The following PLEKHM1 variants were observed in gnomAD, a reference collection of about 807,000 sequenced individuals.
PLEKHM1 encodes the protein pleckstrin homology and RUN domain containing M1, also known as pleckstrin homology domain-containing family M member 1.
Under a neutral mutation model 94.3 loss-of-function variants are expected in PLEKHM1, and 28 were observed. The observed-to-expected ratio is 0.30, with a 90% CI of 0.22 to 0.41. The LOEUF (loss-of-function observed/expected upper bound fraction) is 0.41, where lower values mean the gene tolerates loss of function less well. Among genes scored for constraint, PLEKHM1 ranks in the 10% least tolerant of loss-of-function variants. The pLI, the probability that PLEKHM1 is intolerant of heterozygous loss-of-function variation, is 1.00. For missense variants in PLEKHM1, 907 were observed against 1,358.6 expected (o/e 0.67, Z 5.22); for synonymous variants, 424 against 581.2 (o/e 0.73, Z 3.89).
chr17:45,439,988 C>T (rs1483814917), intron 10 of PLEKHM1, 175 bp downstream of exon 10: 19 of 675,036 alleles, frequency 2.8e-5, no homozygotes, highest in South Asian at 5.1e-5. Flanking sequence ...TGGGGGTATC[C>T]GTCCCTGCCC....
At position 45,444,603 on chromosome 17, in the gene PLEKHM1, C is replaced by T. The variant is rs947269090; in HGVS notation, c.2837+867G>A. On this transcript the variant is annotated intron_variant, in intron 9 of 11. Coordinates refer to ENST00000430334, the MANE Select transcript of PLEKHM1 (RefSeq NM_014798.3). The surrounding 1 kb of genome is among the most constrained non-coding windows in gnomAD (Gnocchi z 5.0). ...GAACATCTGGCCCTCACCTGCCTCTCGCCACACTCCCCACTTCCCTCCTCA... is the reference window on the plus strand; with the variant it reads ...GAACATCTGGCCCTCACCTGCCTCTTGCCACACTCCCCACTTCCCTCCTCA... 1.3e-5 allele frequency among the ~76,000 whole-genome samples: 2 copies of T among 152,200 alleles called. No individual in the cohort carries two copies. Among genetic ancestry groups the T allele is most frequent in the East Asian group, 1.9e-4 (1 of 5,196 alleles).
chr17:45,489,495 T>C (rs560508173), intron 1 of PLEKHM1, among the ~76,000 whole-genome samples: 1 of 152,170 alleles, frequency 6.6e-6, no homozygotes, highest in Non-Finnish European at 1.5e-5. Flanking sequence ...TGGCCGTCTC[T>C]CACCTTCCAG....
chr17:45,465,332 T>C (rs1471322797), intron 5 of PLEKHM1, among the ~76,000 whole-genome samples: 1 of 151,864 alleles, frequency 6.6e-6, no homozygotes, highest in Non-Finnish European at 1.5e-5. Context: ...CTGGGGATGG[T>C]GCTTTTGAGC....
chr17:45,443,392 A>G (rs1260359288), intron 9 of PLEKHM1, among the ~76,000 whole-genome samples: 4 of 152,194 alleles, frequency 2.6e-5, no homozygotes, highest in African/African-American at 9.7e-5. Flanking sequence ...GGAGAAGTGA[A>G]GCAACTTTCC....
At chr17:45,476,928 AGAGT>A (rs1020079456) in intron 3 of PLEKHM1, 2 of 152,200 alleles carry the variant, frequency 1.3e-5, no homozygotes, top group African/African-American at 4.8e-5. Flanking sequence ...AAGGAAAGAC[AGAGT>A]GAGATAAGGG....
rs960049478 is a variant in PLEKHM1 at position 45,444,507 on chromosome 17, G to A, written c.2837+963C>T. 4.6e-5 allele frequency among the ~76,000 whole-genome samples: 7 copies of A among 152,184 alleles called. No homozygotes were observed. Among genetic ancestry groups the A allele is most frequent in the Admixed American group, 1.3e-4 (2 of 15,288 alleles). On this transcript the variant is annotated intron_variant, in intron 9 of 11. Transcript: ENST00000430334. The surrounding 1 kb of genome is among the most constrained non-coding windows in gnomAD (Gnocchi z 5.0). ...ATCCTGAGGGCCCCGCCCGGATCAC[G>A]TCTTCTTTGGAGAATTTCAGGAGGG...
intron 1 of PLEKHM1, among the ~76,000 whole-genome samples, chr17:45,486,240 A>AAAAAATAAT (rs1555588810): frequency 4.9e-5 from 7 of 142,818 alleles, no homozygotes; most frequent in African/African-American, 7.6e-5. Context: ...TAAAATAAAA[A>AAAAAATAAT]AATAATAATA....
Position 45,475,684 on chromosome 17 carries a change from C to T in PLEKHM1, c.339G>A (p.Thr113=), listed in dbSNP as rs764582224. 42 of 1,613,318 alleles carry T rather than the reference C, an allele frequency of 2.6e-5. No homozygotes were observed. Among genetic ancestry groups the T allele is most frequent in the African/African-American group, 4.0e-5 (3 of 74,886 alleles). ...SELEHLTFVN[T]DVGRCRAWLR... Reference sequence around the variant, plus strand: ...GCCATGCCCGGCAGCGGCCCACATCCGTGTTGACAAACGTCAGGTGCTCCA... The same window carrying T: ...GCCATGCCCGGCAGCGGCCCACATCTGTGTTGACAAACGTCAGGTGCTCCA... Residue 113 remains threonine, a synonymous_variant, in exon 4 of 12, where the codon ACG becomes ACA. Coordinates refer to ENST00000430334, the MANE Select transcript of PLEKHM1 (RefSeq NM_014798.3).
At chr17:45,467,874 G>C (rs1567790313) in intron 5 of PLEKHM1, among the ~76,000 whole-genome samples, 2 of 152,214 alleles carry the variant, frequency 1.3e-5, no homozygotes, top group Non-Finnish European at 2.9e-5. Context: ...TTATGCTGGT[G>C]AGTGGTAGTG....
intron 9 of PLEKHM1, 35 bp from the exon 10 acceptor site, chr17:45,440,261 T>C: frequency 6.2e-7 from 1 of 1,602,888 alleles, no homozygotes; most frequent in Non-Finnish European, 8.5e-7. Context: ...TTTAGAAAGG[T>C]TTCCAGAACC....
At chr17:45,460,990 T>C (rs757704083) in intron 5 of PLEKHM1, among the ~76,000 whole-genome samples, 2 of 152,198 alleles carry the variant, frequency 1.3e-5, no homozygotes, top group Non-Finnish European at 2.9e-5. Context: ...GTTCACGCCA[T>C]TCTCCTGCCT....
At chr17:45,473,286 C>T (rs1171441846) in intron 4 of PLEKHM1, among the ~76,000 whole-genome samples, 1 of 151,726 alleles carries the variant, frequency 6.6e-6, no homozygotes, top group African/African-American at 2.4e-5. Flanking sequence ...GAACAATATG[C>T]AATAGAAAAA....
intron 8 of PLEKHM1, among the ~76,000 whole-genome samples, chr17:45,448,891 A>G (rs1445214666): frequency 6.6e-6 from 1 of 152,150 alleles, no homozygotes; most frequent in Non-Finnish European, 1.5e-5. Context: ...AAGTGAACCA[A>G]GCTTCTTATA....
In PLEKHM1 at chr17:45,437,774, G is replaced by T; in HGVS notation, c.*84C>A. 1 of 1,023,088 alleles carries T rather than the reference G, an allele frequency of 9.8e-7. No individual in the cohort carries two copies. Among genetic ancestry groups the T allele is most frequent in the Non-Finnish European group, 1.6e-6 (1 of 643,972 alleles). The allele number at this position is 1,023,088 out of a possible 1,614,324, so 63.4% of individuals were successfully genotyped here. A position where few individuals can be genotyped will look rare whatever the true frequency, so the allele number is the denominator to read the frequency against. On this transcript the variant is annotated 3_prime_UTR_variant, in exon 12 of 12. Coordinates refer to ENST00000430334, the MANE Select transcript of PLEKHM1 (RefSeq NM_014798.3). This position sits in a 1 kb window ranked among gnomAD's most constrained non-coding sequence, Gnocchi z 4.0. ...AGGGGACACAGCTGTGACACGGTGA[G>T]TATCCTGGGCTGATGGCAAACCCAG...
chr17:45,440,708 G>A (rs2050423308), intron 9 of PLEKHM1: 1 of 215,312 alleles, frequency 4.6e-6, no homozygotes, highest in Non-Finnish European at 9.4e-6. Context: ...ACTTGCCTGA[G>A]GTCACACAGC....
intron 4 of PLEKHM1, among the ~76,000 whole-genome samples, chr17:45,472,815 C>T (rs575625655): frequency 2.0e-5 from 3 of 152,278 alleles, no homozygotes; most frequent in South Asian, 4.1e-4. Context: ...AAGCCCAGTC[C>T]GTAACACCAC....
Position 45,468,251 on chromosome 17 carries a change from G to C in PLEKHM1, c.1266C>G (p.Asp422Glu). ...AAACTACCAGCTTCAGACCAGCTCC[G>C]TCATGAGCCTGGGCCTTCTGCAGGC... The part of the protein sequence containing the change: ...GNGLQKAQAH[D>E]GAGLKLVVSS... The change falls in exon 5 of 12, where the codon GAC becomes GAG. Residue 422 changes from aspartate (D) to glutamate (E), a missense_variant. Around this residue, in one of 3 missense-constraint regions of PLEKHM1, gnomAD observed 477 missense variants for 601.5 expected, o/e 0.79. Coordinates refer to ENST00000430334, the MANE Select transcript of PLEKHM1 (RefSeq NM_014798.3). 6.2e-7 allele frequency: 1 copy of C among 1,613,116 alleles called. No homozygotes were observed. The highest frequency in any genetic ancestry group is 8.5e-7 in the Non-Finnish European group (1 of 1,179,692).
chr17:45,443,976 A>G (rs1419173968), intron 9 of PLEKHM1, among the ~76,000 whole-genome samples: 1 of 152,106 alleles, frequency 6.6e-6, no homozygotes, highest in African/African-American at 2.4e-5. Flanking sequence ...AGAGGAGACC[A>G]AGGCTCAGCT....
chr17:45,470,621 T>C (rs1421691278), intron 4 of PLEKHM1, among the ~76,000 whole-genome samples: 2 of 150,758 alleles, frequency 1.3e-5, no homozygotes, highest in Admixed American at 1.3e-4. Flanking sequence ...AAAGTGAAAC[T>C]CTGTTTCAAA....
Sources: allele counts gnomAD v4.1 joint callset (sites outside exome capture counted in the v4.1 genomes callset), GRCh38; gene constraint gnomAD v4.1.1; regional missense constraint gnomAD v4.1.1; non-coding constraint Gnocchi (gnomAD v3.1); transcripts MANE v1.5; gene names NCBI Gene and HGNC (gene_info 2026-07-23, HGNC 2026-07-21).